Variants in MYO7B observed in about 807,000 individuals in gnomAD.
The protein encoded by MYO7B is unconventional myosin-VIIb.
Under a neutral mutation model 259.7 loss-of-function variants are expected in MYO7B, and 212 were observed. The observed-to-expected ratio is 0.82, with a 90% confidence interval of 0.73 to 0.91. MYO7B has a LOEUF of 0.91. Among genes scored for constraint, MYO7B ranks in the 40% least tolerant of loss-of-function variants. MYO7B has a pLI of 0.00. For missense variants in MYO7B, 2,732 were observed against 2,813.5 expected (o/e 0.97, Z 0.66); for synonymous variants, 1,197 against 1,166.4 (o/e 1.03, Z -0.54).
intron 10 of MYO7B, 60 bp from the exon 11 acceptor site, chr2:127,581,831 C>T (rs1679112641): frequency 6.2e-7 from 1 of 1,605,492 alleles, no homozygotes. Context: ...AGAAGCAGGT[C>T]AGAGTGCTGG....
Position 127,625,355 on chromosome 2 carries a change from C to T in MYO7B, c.4048-13C>T. The T allele has an allele frequency of 6.5e-7, 1 of 1,539,694 alleles. No homozygotes were observed. Among genetic ancestry groups the T allele is most frequent in the African/African-American group, 1.4e-5 (1 of 73,084 alleles). On this transcript the variant is annotated splice_polypyrimidine_tract_variant and intron_variant, in intron 30 of 47. Transcript: ENST00000409816. ...TGTCTCACTCGCCCCCGTGGGTGCC[C>T]TGGGCTGTGCAGGAGGAAGAGCTGG...
chr2:127,622,319 A>G (rs1680878830), intron 28 of MYO7B, among the ~76,000 whole-genome samples: 1 of 152,024 alleles, frequency 6.6e-6, no homozygotes, highest in Admixed American at 6.5e-5. Context: ...ATATTCCTTT[A>G]GGGCCCTACT....
intron 4 of MYO7B, among the ~76,000 whole-genome samples, chr2:127,566,200 G>T (rs1405174665): frequency 6.6e-6 from 1 of 152,254 alleles, no homozygotes; most frequent in Non-Finnish European, 1.5e-5. Flanking sequence ...GGGGCTGGGT[G>T]GGGGCTCCAG....
chr2:127,542,026 T>C (rs964066975), intron 1 of MYO7B, among the ~76,000 whole-genome samples: 2 of 152,250 alleles, frequency 1.3e-5, no homozygotes, highest in African/African-American at 4.8e-5. Context: ...AACTTCTCAT[T>C]CTTACCCTGG....
Position 127,614,614 on chromosome 2 carries a change from T to C in MYO7B, c.3398+2011T>C, listed in dbSNP as rs1366459326. The stretch of plus-strand genomic sequence containing the variant: ...GTACCCTGGGAGGTGGCAAATGGGC[T>C]TCTGGAGCTCAGCAGGCATCAGATG... On this transcript the variant is annotated intron_variant, in intron 26 of 47. Coordinates refer to ENST00000409816, the MANE Select transcript of MYO7B (RefSeq NM_001393586.1). This position sits in a 1 kb window ranked among gnomAD's most constrained non-coding sequence, Gnocchi z 4.6. Among the ~76,000 whole-genome samples the C allele has an allele frequency of 3.3e-5, 5 of 152,140 alleles. No homozygotes were observed. Among genetic ancestry groups the C allele is most frequent in the Non-Finnish European group, 7.4e-5 (5 of 68,020 alleles).
At chr2:127,568,045 A>C (rs1678430539) in intron 5 of MYO7B, among the ~76,000 whole-genome samples, 1 of 152,152 alleles carries the variant, frequency 6.6e-6, no homozygotes, top group African/African-American at 2.4e-5. Flanking sequence ...TATTCCCATG[A>C]TATGGTCTCA....
intron 1 of MYO7B, among the ~76,000 whole-genome samples, chr2:127,543,256 T>A (rs530312734): frequency 6.6e-6 from 1 of 152,268 alleles, no homozygotes; most frequent in South Asian, 2.1e-4. Flanking sequence ...TTCCACAGTG[T>A]ATTGTGTCCC....
In MYO7B at chr2:127,637,564, GC is replaced by G; in HGVS notation, c.*152del. The G allele has an allele frequency of 1.6e-6, 1 of 621,234 alleles. No homozygotes were observed. The highest frequency in any genetic ancestry group is 2.7e-6 in the Non-Finnish European group (1 of 372,050). 38.5% of individuals were successfully genotyped at this position (621,234 alleles called of 1,614,324 possible). ...CAAAGCCCACTCAGCCCCGCAGGCG[GC>G]CCCCTCTGTCCTGGGCGCTGCCCAG... On this transcript the variant is annotated 3_prime_UTR_variant, in exon 48 of 48. Transcript: ENST00000409816.
intron 26 of MYO7B, among the ~76,000 whole-genome samples, chr2:127,616,298 T>C (rs1680569775): frequency 6.6e-6 from 1 of 152,224 alleles, no homozygotes; most frequent in Non-Finnish European, 1.5e-5. Flanking sequence ...CTTTCTTCAA[T>C]TTACACTGCA....
In MYO7B at chr2:127,624,323, GA is replaced by G; in HGVS notation, c.4047+4del. The G allele has an allele frequency of 6.4e-7, 1 of 1,565,224 alleles. No individual in the cohort carries two copies. Among genetic ancestry groups the G allele is most frequent in the Non-Finnish European group, 8.7e-7 (1 of 1,155,350 alleles). On this transcript the variant is annotated splice_donor_region_variant and intron_variant, in intron 30 of 47. Transcript: ENST00000409816. ...CTGGCGAGTACAGCTTCGAGAAGGT[GA>G]GGGGCCTGAGAGCCAGGTCCACCCT...
At chr2:127,556,794 G>C (rs1693654574) in intron 1 of MYO7B, among the ~76,000 whole-genome samples, 1 of 152,180 alleles carries the variant, frequency 6.6e-6, no homozygotes. Context: ...TAGGTTACCT[G>C]GTGCTTTTGC....
intron 6 of MYO7B, among the ~76,000 whole-genome samples, chr2:127,571,490 AT>A (rs1678624745): frequency 2.6e-5 from 1 of 37,840 alleles, no homozygotes; most frequent in Admixed American, 3.2e-4. Flanking sequence ...TTTGTTTTTT[AT>A]TTTTTTGAGA....
rs1273720029 is a variant in MYO7B at position 127,609,492 on chromosome 2, C to A, written c.2815-14C>A. The A allele has an allele frequency of 7.5e-6, 12 of 1,604,162 alleles. No homozygotes were observed. Among genetic ancestry groups the A allele is most frequent in the Non-Finnish European group, 1.0e-5 (12 of 1,175,218 alleles). On this transcript the variant is annotated splice_polypyrimidine_tract_variant and intron_variant, in intron 22 of 47. Coordinates refer to ENST00000409816, the MANE Select transcript of MYO7B (RefSeq NM_001393586.1). The surrounding 1 kb of genome is among the most constrained non-coding windows in gnomAD (Gnocchi z 6.9). ...AAAGCCCTGCTGACCCGTGTTCTCCCTCAATGGCCGTAGGATCTGGAATCG... is the reference window on the plus strand; with the variant it reads ...AAAGCCCTGCTGACCCGTGTTCTCCATCAATGGCCGTAGGATCTGGAATCG...
At position 127,559,074 on chromosome 2, in the gene MYO7B, G is replaced by A. The variant is rs1185455399; in HGVS notation, c.-23-626G>A. ...GCCAACACTCAGTCAGGGTAACTCG[G>A]GGTTTCCTCCTTTAAATGGGACAAG... On this transcript the variant is annotated intron_variant, in intron 1 of 47. Transcript: ENST00000409816. This position sits in a 1 kb window ranked among gnomAD's most constrained non-coding sequence, Gnocchi z 4.1. Among the ~76,000 whole-genome samples the A allele has an allele frequency of 2.0e-5, 3 of 152,168 alleles. No individual in the cohort carries two copies. The highest frequency in any genetic ancestry group is 7.2e-5 in the African/African-American group (3 of 41,440).
At chr2:127,578,075 A>T in intron 8 of MYO7B, 58 bp from the exon 9 acceptor site, 1 of 1,599,622 alleles carries the variant, frequency 6.3e-7, no homozygotes, top group Non-Finnish European at 8.5e-7. Flanking sequence ...TGCTGGTCCC[A>T]GGAGGGAGGT....
In MYO7B at chr2:127,575,948, G is replaced by T. The variant is rs78375054; in HGVS notation, c.736-647G>T. Among the ~76,000 whole-genome samples, 221 of 152,280 alleles carry T rather than the reference G, an allele frequency of 1.5e-3. 2 individuals carry two copies. The highest frequency in any genetic ancestry group is 5.1e-3 in the African/African-American group (210 of 41,552). ...AACACTACTGCATATGCTTCAGATT[G>T]TTTGATTTGTATGAGAATGCATTTA... On this transcript the variant is annotated intron_variant, in intron 7 of 47. Transcript: ENST00000409816.
At position 127,630,864 on chromosome 2, in the gene MYO7B, G is replaced by A. The variant is rs1681448537; in HGVS notation, c.4893G>A (p.Lys1631=). Residue 1631 remains lysine (K), a synonymous_variant, in exon 36 of 48, where the codon AAG becomes AAA. Coordinates refer to ENST00000409816, the MANE Select transcript of MYO7B (RefSeq NM_001393586.1). ...AGCCACGTCCTGAGGAGCCACCCAA[G>A]GAAAAGCTGCACACCCTGGAGGAGT... ...FTEPRPEEPP[K]EKLHTLEEFS... 6.2e-6 allele frequency: 10 copies of A among 1,610,020 alleles called. No homozygotes were observed. Among genetic ancestry groups the A allele is most frequent in the Non-Finnish European group, 7.6e-6 (9 of 1,178,340 alleles).
At chr2:127,583,365 G>A (rs184226200) in intron 12 of MYO7B, among the ~76,000 whole-genome samples, 9 of 152,236 alleles carry the variant, frequency 5.9e-5, no homozygotes, top group South Asian at 4.1e-4. Context: ...AGGGCCAGCC[G>A]GGGGTGCAGG....
rs189905420 is a variant in MYO7B, at chr2:127,616,427, T to G, written c.3398+3824T>G. On this transcript the variant is annotated intron_variant, in intron 26 of 47. Transcript: ENST00000409816. Reference sequence around the variant, plus strand: ...AGAGAAGGGTACAATTTACAGGGAATAAGCAACAGTTGAGCAACTTATTCT... The same window carrying G: ...AGAGAAGGGTACAATTTACAGGGAAGAAGCAACAGTTGAGCAACTTATTCT... 7.7e-4 allele frequency among the ~76,000 whole-genome samples: 117 copies of G among 152,312 alleles called. 1 individual carries two copies. Among genetic ancestry groups the G allele is most frequent in the South Asian group, 5.4e-3 (26 of 4,824 alleles).
Sources: gnomAD v4.1 joint callset for allele counts (sites outside exome capture counted in the v4.1 genomes callset) on GRCh38, gnomAD v4.1.1 for gene constraint, Gnocchi (gnomAD v3.1) non-coding constraint, MANE v1.5 for transcripts, NCBI Gene and HGNC (gene_info 2026-07-23, HGNC 2026-07-21) for gene names.